TSPAN9: variants seen among roughly 807,000 people sequenced by gnomAD.
TSPAN9 encodes the protein tetraspanin-9.
Under a neutral mutation model 31.0 loss-of-function variants are expected in TSPAN9, and 16 were observed. The ratio of observed to expected loss-of-function variants is 0.52; its 90% CI spans 0.35 to 0.78. The LOEUF (loss-of-function observed/expected upper bound fraction) is 0.78, where lower values mean the gene tolerates loss of function less well. Among genes scored for constraint, TSPAN9 ranks in the 30% least tolerant of loss-of-function variants. The pLI, the probability that TSPAN9 is intolerant of heterozygous loss-of-function variation, is 0.01. For synonymous variants in TSPAN9, 145 were observed against 121.6 expected (o/e 1.19, Z -1.27); for missense variants, 272 against 312.5 (o/e 0.87, Z 0.98).
At chr12:3,264,285 A>G (rs1281712546) in intron 3 of TSPAN9, among the ~76,000 whole-genome samples, 1 of 151,866 alleles carries the variant, frequency 6.6e-6, no homozygotes, top group Non-Finnish European at 1.5e-5. Context: ...CTTGCTTTGG[A>G]TTTGCCTCGG....
In TSPAN9 at chr12:3,216,019, G is replaced by A. The variant is rs374857318; in HGVS notation, c.63+14763G>A. ...AGGGACACGGCTCCATGTTCCCAGC[G>A]GTTGATCCATTATCCCTGGTCGCCC... On this transcript the variant is annotated intron_variant, in intron 3 of 8. Transcript: ENST00000011898. Among the ~76,000 whole-genome samples the A allele has an allele frequency of 2.8e-4, 43 of 152,302 alleles. No individual in the cohort carries two copies. The East Asian group carries it at 3.9e-3, about 14-fold the overall frequency.
chr12:3,261,873 G>T (rs1391971599), intron 3 of TSPAN9, among the ~76,000 whole-genome samples: 25 of 152,194 alleles, frequency 1.6e-4, no homozygotes, highest in Non-Finnish European at 2.6e-4. Context: ...ACGCAGCCTT[G>T]CCCTTCCCCC....
chr12:3,138,494 C>A (rs574944419), intron 2 of TSPAN9, among the ~76,000 whole-genome samples: 4 of 151,550 alleles, frequency 2.6e-5, no homozygotes. Context: ...GACAGGGCCT[C>A]GTGCTGTCAC....
chr12:3,187,118 C>CTGTG lies in TSPAN9; in HGVS notation c.-17-14058_-17-14055dup, dbSNP rs1415737740. Among the ~76,000 whole-genome samples the CTGTG allele has an allele frequency of 5.3e-5, 8 of 152,272 alleles. No individual in the cohort carries two copies. Among genetic ancestry groups the CTGTG allele is most frequent in the African/African-American group, 1.4e-4 (6 of 41,554 alleles). On this transcript the variant is annotated intron_variant, in intron 2 of 8. Coordinates refer to ENST00000011898, the MANE Select transcript of TSPAN9 (RefSeq NM_006675.5). This position sits in a 1 kb window ranked among gnomAD's most constrained non-coding sequence, Gnocchi z 5.2. ...CACTGGATTGTTACCTCTACTCTAC[C>CTGTG]TGTGCTGTGCTTTCAGAGGGGAGGG...
intron 2 of TSPAN9, among the ~76,000 whole-genome samples, chr12:3,119,954 C>T (rs548072467): frequency 6.6e-6 from 1 of 152,218 alleles, no homozygotes; most frequent in East Asian, 1.9e-4. Flanking sequence ...ACCATGTGCA[C>T]GTCACTCTGC....
chr12:3,153,488 C>T (rs2098340806), intron 2 of TSPAN9, among the ~76,000 whole-genome samples: 1 of 152,030 alleles, frequency 6.6e-6, no homozygotes, highest in African/African-American at 2.4e-5. Context: ...AAGAATTTTG[C>T]ATTCTATTTG....
At chr12:3,131,839 C>T (rs551240408) in intron 2 of TSPAN9, among the ~76,000 whole-genome samples, 3 of 152,300 alleles carry the variant, frequency 2.0e-5, no homozygotes, top group East Asian at 3.9e-4. Flanking sequence ...GCATTTACTA[C>T]GTTCACCGTG....
intron 3 of TSPAN9, among the ~76,000 whole-genome samples, chr12:3,258,777 C>T (rs903323384): frequency 5.9e-5 from 9 of 152,184 alleles, no homozygotes; most frequent in African/African-American, 2.2e-4. Flanking sequence ...CCAGACTTCC[C>T]TTGGTTACTT....
intron 2 of TSPAN9, among the ~76,000 whole-genome samples, chr12:3,171,316 A>G: frequency 6.6e-6 from 1 of 152,122 alleles, no homozygotes; most frequent in East Asian, 1.9e-4. Context: ...GGTTTTGTGC[A>G]CTGCCGTAAA....
Position 3,283,285 on chromosome 12 carries a change from T to C in TSPAN9, c.*169T>C. 1 of 660,464 alleles carries C rather than the reference T, an allele frequency of 1.5e-6. No homozygotes were observed. Among genetic ancestry groups the C allele is most frequent in the Non-Finnish European group, 2.4e-6 (1 of 410,640 alleles). 40.9% of individuals were successfully genotyped at this position (660,464 alleles called of 1,614,324 possible). On this transcript the variant is annotated 3_prime_UTR_variant, in exon 9 of 9. Coordinates refer to ENST00000011898, the MANE Select transcript of TSPAN9 (RefSeq NM_006675.5). ...GCCTCGGACTTCTCAGTGGGTGGAG[T>C]GCCAGGGAGGAGGAGGCACACGGAG...
rs2098352117 is a variant in TSPAN9, at chr12:3,172,007, G to C, written c.-17-29170G>C. On this transcript the variant is annotated intron_variant, in intron 2 of 8. Coordinates refer to ENST00000011898, the MANE Select transcript of TSPAN9 (RefSeq NM_006675.5). This position sits in a 1 kb window ranked among gnomAD's most constrained non-coding sequence, Gnocchi z 4.8. ...TTCATGGTCCCCACGGTGTCAGGTA[G>C]CTAGTTTATGGGTCCCATCCTGGTT... 1 of 152,236 alleles carries C rather than the reference G, an allele frequency of 6.6e-6. No homozygotes were observed. Among genetic ancestry groups the C allele is most frequent in the African/African-American group, 2.4e-5 (1 of 41,444 alleles). The allele number at this position is 152,236 out of a possible 1,614,324, so 9.4% of individuals were successfully genotyped here.
intron 3 of TSPAN9, among the ~76,000 whole-genome samples, chr12:3,254,825 T>A (rs1444202854): frequency 6.6e-6 from 1 of 152,222 alleles, no homozygotes; most frequent in Non-Finnish European, 1.5e-5. Context: ...CCATTAATGA[T>A]CCATGAATGA....
chr12:3,195,178 A>G (rs1043382631), intron 2 of TSPAN9, among the ~76,000 whole-genome samples: 1 of 152,150 alleles, frequency 6.6e-6, no homozygotes, highest in Non-Finnish European at 1.5e-5. Flanking sequence ...AATATTCAGC[A>G]TGGGTCAGAA....
intron 2 of TSPAN9, among the ~76,000 whole-genome samples, chr12:3,160,524 C>G (rs1288159251): frequency 6.6e-6 from 1 of 152,178 alleles, no homozygotes; most frequent in Non-Finnish European, 1.5e-5. Flanking sequence ...AACTGGTTTC[C>G]AAAGTGGCTA....
intron 2 of TSPAN9, among the ~76,000 whole-genome samples, chr12:3,180,729 G>A (rs975108036): frequency 6.6e-6 from 1 of 152,130 alleles, no homozygotes; most frequent in Admixed American, 6.5e-5. Flanking sequence ...TGTCACCTAG[G>A]AAGCTTGGAT....
At chr12:3,220,300 C>A (rs1313762906) in intron 3 of TSPAN9, among the ~76,000 whole-genome samples, 1 of 152,190 alleles carries the variant, frequency 6.6e-6, no homozygotes, top group Non-Finnish European at 1.5e-5. Context: ...ATTCCAAAGA[C>A]TTCCGTGCTC....
At chr12:3,099,398 A>T (rs1283042530) in intron 2 of TSPAN9, among the ~76,000 whole-genome samples, 1 of 152,056 alleles carries the variant, frequency 6.6e-6, no homozygotes, top group African/African-American at 2.4e-5. Context: ...TCTTTGTCTC[A>T]TCATGTTGAT....
At chr12:3,185,685 C>T (rs996812615) in intron 2 of TSPAN9, among the ~76,000 whole-genome samples, 10 of 152,342 alleles carry the variant, frequency 6.6e-5, no homozygotes, top group South Asian at 2.1e-4. Flanking sequence ...GTGAGCTGGC[C>T]GCTGGGCATG....
At chr12:3,160,963 A>G (rs1361828970) in intron 2 of TSPAN9, among the ~76,000 whole-genome samples, 1 of 152,160 alleles carries the variant, frequency 6.6e-6, no homozygotes, top group Non-Finnish European at 1.5e-5. Flanking sequence ...GCTCACGCCT[A>G]TAATCCCAGC....
Sources: allele counts gnomAD v4.1 joint callset (sites outside exome capture counted in the v4.1 genomes callset), GRCh38; gene constraint gnomAD v4.1.1; non-coding constraint Gnocchi (gnomAD v3.1); transcripts MANE v1.5; gene names NCBI Gene and HGNC (gene_info 2026-07-23, HGNC 2026-07-21).